Variants in COBL observed in about 807,000 individuals in gnomAD.
The protein encoded by COBL is protein cordon-bleu.
Under a neutral mutation model 98.8 loss-of-function variants are expected in COBL, and 51 were observed. The observed-to-expected ratio is 0.52, with a 90% confidence interval of 0.41 to 0.65. The LOEUF is 0.65. Among genes scored for constraint, COBL ranks in the 30% least tolerant of loss-of-function variants. The pLI is 0.00. For synonymous variants in COBL, 634 were observed against 651.7 expected (o/e 0.97, Z 0.41); for missense variants, 1,617 against 1,617.5 (o/e 1.00, Z 0.01).
intron 6 of COBL, among the ~76,000 whole-genome samples, chr7:51,111,159 C>T (rs1343487119): frequency 1.3e-5 from 2 of 152,170 alleles, no homozygotes; most frequent in South Asian, 2.1e-4. Flanking sequence ...GGGGTGCAGA[C>T]ATCTCTTCAA....
chr7:51,287,650 TG>T (rs1800495916), intron 1 of COBL, among the ~76,000 whole-genome samples: 1 of 152,108 alleles, frequency 6.6e-6, no homozygotes, highest in African/African-American at 2.4e-5. Context: ...CCTAAAGAAA[TG>T]AAACTGTAGG....
intron 1 of COBL, among the ~76,000 whole-genome samples, chr7:51,257,552 G>A (rs1416041031): frequency 6.6e-6 from 1 of 152,148 alleles, no homozygotes; most frequent in African/African-American, 2.4e-5. Context: ...TTCTGCATAA[G>A]AAAGTAGGCT....
chr7:51,062,845 G>A (rs560214988), intron 7 of COBL, among the ~76,000 whole-genome samples: 2 of 152,274 alleles, frequency 1.3e-5, no homozygotes, highest in East Asian at 3.9e-4. Flanking sequence ...CCTGGAAGAG[G>A]CTGTGAGACA....
chr7:51,116,617 A>G (rs1364335847), intron 6 of COBL, among the ~76,000 whole-genome samples: 1 of 152,104 alleles, frequency 6.6e-6, no homozygotes, highest in Non-Finnish European at 1.5e-5. Context: ...AAGAGAAAAA[A>G]TAGTTTTTTT....
chr7:51,107,206 T>G (rs1435910823), intron 6 of COBL, among the ~76,000 whole-genome samples: 1 of 149,696 alleles, frequency 6.7e-6, no homozygotes, highest in Admixed American at 6.7e-5. Context: ...GTGATTCTCC[T>G]GCCTCAGCCT....
intron 1 of COBL, among the ~76,000 whole-genome samples, chr7:51,254,215 T>C (rs935953998): frequency 6.6e-6 from 1 of 152,222 alleles, no homozygotes; most frequent in Non-Finnish European, 1.5e-5. Context: ...CAGCTCATAA[T>C]GATTTTTCCC....
intron 7 of COBL, among the ~76,000 whole-genome samples, chr7:51,074,778 C>T (rs1792898906): frequency 6.6e-6 from 1 of 152,148 alleles, no homozygotes. Flanking sequence ...TACTACTTTG[C>T]AGTGGTATTT....
At chr7:51,131,216 G>A (rs1302990847) in intron 6 of COBL, among the ~76,000 whole-genome samples, 3 of 151,904 alleles carry the variant, frequency 2.0e-5, no homozygotes, top group Admixed American at 1.3e-4. Flanking sequence ...AAATAATAGT[G>A]AAAAAAGAAA....
At chr7:51,198,137 C>A (rs1270780640) in intron 2 of COBL, among the ~76,000 whole-genome samples, 1 of 152,098 alleles carries the variant, frequency 6.6e-6, no homozygotes, top group Non-Finnish European at 1.5e-5. Flanking sequence ...GTGTTAGTAG[C>A]TGGTAATGGT....
At chr7:51,231,944 C>T (rs910227860) in intron 1 of COBL, among the ~76,000 whole-genome samples, 1 of 152,102 alleles carries the variant, frequency 6.6e-6, no homozygotes, top group Non-Finnish European at 1.5e-5. Context: ...TAACCACAGC[C>T]ACCCAGGCCT....
At chr7:51,278,514 G>A (rs1382635694) in intron 1 of COBL, among the ~76,000 whole-genome samples, 1 of 151,454 alleles carries the variant, frequency 6.6e-6, no homozygotes, top group African/African-American at 2.4e-5. Flanking sequence ...CCAAGTAGCT[G>A]GGATTACAGG....
intron 1 of COBL, among the ~76,000 whole-genome samples, chr7:51,272,573 G>A (rs921544894): frequency 6.6e-6 from 1 of 152,078 alleles, no homozygotes; most frequent in African/African-American, 2.4e-5. Context: ...CAGAATATTG[G>A]GAACATGCAC....
chr7:51,199,358 C>A lies in COBL; in HGVS notation c.246-5769G>T, dbSNP rs1370572157. Among the ~76,000 whole-genome samples, 5 of 152,294 alleles carry A rather than the reference C, an allele frequency of 3.3e-5. No homozygotes were observed. In the East Asian group the frequency reaches 9.7e-4, roughly 29 times the overall value. ...ACTTGCCAAAACCAGTCTGTAAAGA[C>A]TGGAGATGTCTGCTCCTTCAAATGC... On this transcript the variant is annotated intron_variant, in intron 2 of 12. Transcript: ENST00000265136.
At chr7:51,296,327 T>C (rs182562083) in intron 1 of COBL, among the ~76,000 whole-genome samples, 2 of 152,342 alleles carry the variant, frequency 1.3e-5, no homozygotes, top group East Asian at 1.9e-4. Flanking sequence ...CTTCATAATA[T>C]GTAGGACAAT....
chr7:51,206,593 T>C (rs994841354), intron 2 of COBL, among the ~76,000 whole-genome samples: 2 of 152,076 alleles, frequency 1.3e-5, no homozygotes, highest in African/African-American at 4.8e-5. Flanking sequence ...TGCAGCAGTA[T>C]TCACAATAGC....
At chr7:51,022,149 C>T (rs1163993931) in intron 12 of COBL, among the ~76,000 whole-genome samples, 2 of 152,286 alleles carry the variant, frequency 1.3e-5, no homozygotes, top group African/African-American at 2.4e-5. Context: ...TGGTTTCCAA[C>T]GTAGGACTCA....
At chr7:51,134,387 G>A (rs985551043) in intron 6 of COBL, among the ~76,000 whole-genome samples, 2 of 152,010 alleles carry the variant, frequency 1.3e-5, no homozygotes, top group East Asian at 3.9e-4. Context: ...CATTCTACAG[G>A]GTATAAAGTA....
chr7:51,230,817 G>C lies in COBL; in HGVS notation c.42-10873C>G, dbSNP rs149365283. On this transcript the variant is annotated intron_variant, in intron 1 of 12. Coordinates refer to ENST00000265136, the MANE Select transcript of COBL (RefSeq NM_015198.5). Reference sequence around the variant, plus strand: ...CCACATCGTGGTTACTTGAACCCTGGTGTTTCTGCACGTGGGGCAGATCCC... The same window carrying C: ...CCACATCGTGGTTACTTGAACCCTGCTGTTTCTGCACGTGGGGCAGATCCC... Among the ~76,000 whole-genome samples the C allele has an allele frequency of 1.2e-4, 19 of 152,288 alleles. No homozygotes were observed. In the East Asian group the frequency reaches 3.3e-3, roughly 26 times the overall value.
chr7:51,291,553 G>A (rs551635721), intron 1 of COBL, among the ~76,000 whole-genome samples: 4 of 152,210 alleles, frequency 2.6e-5, no homozygotes, highest in Admixed American at 2.6e-4. Context: ...CTGAGATCAG[G>A]AGTTCAAGAC....
Sources: gnomAD v4.1 joint callset for allele counts (sites outside exome capture counted in the v4.1 genomes callset) on GRCh38, gnomAD v4.1.1 for gene constraint, MANE v1.5 for transcripts, NCBI Gene and HGNC (gene_info 2026-07-23, HGNC 2026-07-21) for gene names.